CLCA2: variants seen among roughly 807,000 people sequenced by gnomAD.
The protein encoded by CLCA2 is calcium-activated chloride channel regulator 2.
Under a neutral mutation model 82.9 loss-of-function variants are expected in CLCA2, and 85 were observed. The observed-to-expected ratio is 1.03, with a 90% confidence interval of 0.86 to 1.23. The LOEUF (loss-of-function observed/expected upper bound fraction) is 1.23, where lower values mean the gene tolerates loss of function less well. CLCA2 is among the 50% of genes most tolerant of loss of function. The probability of loss-of-function intolerance (pLI) is 0.00; values close to 1 mark genes in which losing one functional copy is unlikely to be tolerated. For missense variants in CLCA2, 1,089 were observed against 1,124.8 expected, an observed-to-expected ratio of 0.97 and a Z score of 0.45; for synonymous variants, 421 against 391.7, an observed-to-expected ratio of 1.07 and a Z score of -0.88.
At chr1:86,444,105 T>C (rs1179498130) in intron 10 of CLCA2, 94 bp downstream of exon 10, 1 of 837,180 alleles carries the variant, frequency 1.2e-6, no homozygotes, top group Non-Finnish European at 1.9e-6. Flanking sequence ...GTAAAGAAAA[T>C]CTTGTTTTAA....
chr1:86,443,718 T>C (rs1242474754), intron 9 of CLCA2, 69 bp from the exon 10 acceptor site: 1 of 1,182,222 alleles, frequency 8.5e-7, no homozygotes, highest in Non-Finnish European at 1.2e-6. Flanking sequence ...TTGTTGTTTG[T>C]TAAAAAAGAA....
chr1:86,440,120 T>G, intron 7 of CLCA2, 28 bp from the exon 8 acceptor site: 1 of 1,607,236 alleles, frequency 6.2e-7, no homozygotes, highest in Non-Finnish European at 8.5e-7. Context: ...CTACACTTCC[T>G]TCCAAGTGAC....
In CLCA2 at chr1:86,443,896, G is replaced by A; in HGVS notation, c.1598G>A (p.Ser533Asn). Residue 533 changes from serine to asparagine, a missense_variant, in exon 10 of 14, where the codon AGT becomes AAT. Transcript: ENST00000370565. Reference sequence around the variant, plus strand: ...ATGTTTCTAGTTACGTGGCAGGCCAGTGGTCCTCCTGAGATTATATTATTT... The same window carrying A: ...ATGTTTCTAGTTACGTGGCAGGCCAATGGTCCTCCTGAGATTATATTATTT... Reference protein sequence around the residue: ...DTMFLVTWQASGPPEIILFDP... With the variant: ...DTMFLVTWQANGPPEIILFDP... The A allele has an allele frequency of 6.2e-7, 1 of 1,613,692 alleles. No homozygotes were observed. The highest frequency in any genetic ancestry group is 8.5e-7 in the Non-Finnish European group (1 of 1,179,610).
At chr1:86,442,660 C>T (rs531988019) in intron 9 of CLCA2, among the ~76,000 whole-genome samples, 82 of 151,514 alleles carry the variant, frequency 5.4e-4, no homozygotes, top group Non-Finnish European at 8.7e-4. Flanking sequence ...TAATTTTACA[C>T]GCTTTGCAGA....
chr1:86,447,631 A>T lies in CLCA2; in HGVS notation c.1837A>T (p.Arg613Ter), dbSNP rs770747303. 5.0e-6 allele frequency: 8 copies of T among 1,614,060 alleles called. No homozygotes were observed. In the Admixed American group the frequency reaches 1.3e-4, roughly 27 times the overall value. Residue 613 changes from arginine (R) to a stop codon, truncating the protein, a stop_gained, in exon 11 of 14, where the codon AGA becomes TGA. Transcript: ENST00000370565. LOFTEE classifies it high-confidence loss of function. ...PPATVEAFVERDSLHFPHPVM... is the reference protein window; with the variant it reads ...PPATVEAFVE ...AGCCACTGTGGAAGCCTTTGTGGAA[A>T]GAGACAGCCTCCATTTTCCTCATCC...
At chr1:86,450,830 A>G in intron 12 of CLCA2, 97 bp downstream of exon 12, 1 of 1,120,354 alleles carries the variant, frequency 8.9e-7, no homozygotes, top group Non-Finnish European at 1.2e-6. Context: ...TGAGAGAAAG[A>G]GAGAATTTCA....
In CLCA2 at chr1:86,432,349, GT is replaced by G; in HGVS notation, c.585-17del. On this transcript the variant is annotated intron_variant, in intron 4 of 13. Coordinates refer to ENST00000370565, the MANE Select transcript of CLCA2 (RefSeq NM_006536.7). ...GTTTCTAAAATAGACCTAATTCCCAGTTTCTCTTTCCATTTTTAGGTGTTCA... is the reference window on the plus strand; with the variant it reads ...GTTTCTAAAATAGACCTAATTCCCAGTTCTCTTTCCATTTTTAGGTGTTCA... The G allele has an allele frequency of 6.2e-7, 1 of 1,610,846 alleles. No homozygotes were observed. Among genetic ancestry groups the G allele is most frequent in the Non-Finnish European group, 8.5e-7 (1 of 1,179,242 alleles).
chr1:86,437,885 G>C (rs6704096), intron 6 of CLCA2, among the ~76,000 whole-genome samples: 2,409 of 150,020 alleles, frequency 0.016, 73 homozygotes, highest in African/African-American at 0.057. Context: ...TTGCAGATGA[G>C]AAAACTGAAG....
Position 86,425,372 on chromosome 1 carries a change from A to G in CLCA2, c.220A>G (p.Asn74Asp). The G allele has an allele frequency of 1.3e-6, 2 of 1,572,714 alleles. No individual in the cohort carries two copies. Among genetic ancestry groups the G allele is most frequent in the Non-Finnish European group, 1.7e-6 (2 of 1,159,970 alleles). Reference sequence around the variant, plus strand: ...AACTGAAGCTTCATTTTACCTATTTAATGCTACCAAGAGAAGAGTATTTTT... The same window carrying G: ...AACTGAAGCTTCATTTTACCTATTTGATGCTACCAAGAGAAGAGTATTTTT... ...MITEASFYLF[N>D]ATKRRVFFRN... is the part of the protein sequence containing the mutation. Residue 74 changes from asparagine (N) to aspartate (D), a missense_variant, in exon 2 of 14, where the codon AAT becomes GAT. Coordinates refer to ENST00000370565, the MANE Select transcript of CLCA2 (RefSeq NM_006536.7).
intron 3 of CLCA2, among the ~76,000 whole-genome samples, chr1:86,430,388 A>G (rs1471442479): frequency 6.6e-6 from 1 of 152,122 alleles, no homozygotes; most frequent in Non-Finnish European, 1.5e-5. Flanking sequence ...GGTTTCAACT[A>G]TTGCTCTAGA....
intron 2 of CLCA2, among the ~76,000 whole-genome samples, chr1:86,426,246 GC>G (rs929690575): frequency 1.7e-4 from 26 of 152,132 alleles, no homozygotes; most frequent in African/African-American, 6.3e-4. Context: ...AGAGGCATTG[GC>G]AACTTATCTC....
At chr1:86,435,339 G>A (rs1413430) in intron 6 of CLCA2, among the ~76,000 whole-genome samples, 71,608 of 152,108 alleles carry the variant, frequency 0.47, 17,326 homozygotes, top group South Asian at 0.58. Flanking sequence ...TATAATGATC[G>A]AAAATTCTTA....
rs781094614 is a variant in CLCA2 at position 86,447,633 on chromosome 1, A to G, written c.1839A>G (p.Arg613=). Residue 613 remains arginine, a synonymous_variant, in exon 11 of 14, where the codon AGA becomes AGG. Coordinates refer to ENST00000370565, the MANE Select transcript of CLCA2 (RefSeq NM_006536.7). ...PPATVEAFVE[R]DSLHFPHPVM... ...CCACTGTGGAAGCCTTTGTGGAAAGAGACAGCCTCCATTTTCCTCATCCTG... is the reference window on the plus strand; with the variant it reads ...CCACTGTGGAAGCCTTTGTGGAAAGGGACAGCCTCCATTTTCCTCATCCTG... 3.7e-6 allele frequency: 6 copies of G among 1,614,116 alleles called. No individual in the cohort carries two copies. In the Admixed American group the frequency reaches 8.3e-5, roughly 22 times the overall value.
chr1:86,428,557 A>G lies in CLCA2; in HGVS notation c.464A>G (p.Tyr155Cys), dbSNP rs1290530783. 1.2e-6 allele frequency: 2 copies of G among 1,613,272 alleles called. No individual in the cohort carries two copies. The highest frequency in any genetic ancestry group is 2.2e-5 in the South Asian group (2 of 90,976). Residue 155 changes from tyrosine (Y) to cysteine (C), a missense_variant, in exon 3 of 14, where the codon TAC becomes TGC. Tyr to Cys is a radical substitution (Grantham distance 194, BLOSUM62 -2). Coordinates refer to ENST00000370565, the MANE Select transcript of CLCA2 (RefSeq NM_006536.7). The stretch of plus-strand genomic sequence containing the variant: ...CTGAATGATAACTTAACAGCTGGCT[A>G]CGGATCACGAGGTAAGTGGGACCAA... ...FLLNDNLTAG[Y>C]GSRGRVFVHE...
chr1:86,450,834 A>G, intron 12 of CLCA2, 101 bp downstream of exon 12: 1 of 1,078,528 alleles, frequency 9.3e-7, no homozygotes, highest in Non-Finnish European at 1.3e-6. Flanking sequence ...AGAAAGAGAG[A>G]ATTTCAAAAC....
chr1:86,440,409 G>A, intron 8 of CLCA2, 84 bp downstream of exon 8: 3 of 1,165,940 alleles, frequency 2.6e-6, no homozygotes, highest in Non-Finnish European at 3.6e-6. Context: ...CTCATTATAT[G>A]GCTTAATTGA....
intron 7 of CLCA2, 139 bp from the exon 8 acceptor site, chr1:86,440,009 T>G: frequency 2.7e-6 from 2 of 738,012 alleles, no homozygotes; most frequent in East Asian, 5.2e-5. Flanking sequence ...AGTGCTGTGA[T>G]GGGGTGAGGT....
At position 86,453,526 on chromosome 1, in the gene CLCA2, C is replaced by A; in HGVS notation, c.2313C>A (p.Asp771Glu). ...PDVFPPCKII[D>E]LEAVKVEEEL... ...TGTTTCCACCATGCAAAATTATTGA[C>A]CTGGAAGCTGTAAAAGTAGAAGAGG... Residue 771 changes from aspartate (D) to glutamate (E), a missense_variant, in exon 13 of 14, where the codon GAC becomes GAA. Asp to Glu is a conservative substitution (Grantham distance 45, BLOSUM62 2). Coordinates refer to ENST00000370565, the MANE Select transcript of CLCA2 (RefSeq NM_006536.7). 3.7e-6 allele frequency: 6 copies of A among 1,614,104 alleles called. No individual in the cohort carries two copies. Among genetic ancestry groups the A allele is most frequent in the Non-Finnish European group, 5.1e-6 (6 of 1,180,010 alleles).
chr1:86,452,862 A>C (rs556529205), intron 12 of CLCA2, among the ~76,000 whole-genome samples: 2 of 152,316 alleles, frequency 1.3e-5, no homozygotes, highest in South Asian at 2.1e-4. Flanking sequence ...AATTATTGGC[A>C]CAGCATATGC....
Sources: gnomAD v4.1 joint callset for allele counts (sites outside exome capture counted in the v4.1 genomes callset) on GRCh38, gnomAD v4.1.1 for gene constraint, MANE v1.5 for transcripts, NCBI Gene and HGNC (gene_info 2026-07-23, HGNC 2026-07-21) for gene names.